The following GPN3 variants were observed in gnomAD, a reference collection of about 807,000 sequenced individuals.
GPN3 encodes ATP-binding domain 1 family member C.
Under a neutral mutation model 38.7 loss-of-function variants are expected in GPN3, and 31 were observed. The observed-to-expected ratio is 0.80, with a 90% confidence interval of 0.60 to 1.08. The LOEUF (loss-of-function observed/expected upper bound fraction) is 1.08, where lower values mean the gene tolerates loss of function less well. GPN3 is among the 50% of genes least tolerant of loss of function. The pLI, the probability that GPN3 is intolerant of heterozygous loss-of-function variation, is 0.00. For synonymous variants in GPN3, 116 were observed against 120.2 expected, an observed-to-expected ratio of 0.96 and a Z score of 0.23; for missense variants, 301 against 354.4, an observed-to-expected ratio of 0.85 and a Z score of 1.21.
At chr12:110,468,482 A>C, upstream of GPN3, 1 of 1,537,120 alleles carries the variant, frequency 6.5e-7, no homozygotes, top group Non-Finnish European at 8.7e-7. Flanking sequence ...CTGAGTAATA[A>C]CGGACAACAG....
chr12:110,468,040 T>G lies in GPN3; in HGVS notation c.48+116A>C, dbSNP rs1407835329. 2.9e-6 allele frequency: 4 copies of G among 1,377,178 alleles called. No homozygotes were observed. In the African/African-American group the frequency reaches 5.7e-5, roughly 20 times the overall value. The allele number at this position is 1,377,178 out of a possible 1,614,324, so 85.3% of individuals were successfully genotyped here. ...CGTGAAGCCAGACAGCAGAAATGAG[T>G]TGCGTGGGGTCTCAGGGTTCCCAGT... On this transcript the variant is annotated intron_variant, in intron 1 of 7. Transcript: ENST00000228827.
chr12:110,465,531 T>C (rs1362098033), intron 1 of GPN3, among the ~76,000 whole-genome samples: 4 of 152,188 alleles, frequency 2.6e-5, no homozygotes, highest in Admixed American at 2.0e-4. Context: ...TCTGGTTACA[T>C]AGTGTAACAC....
At chr12:110,463,997 T>G (rs948598760) in intron 2 of GPN3, among the ~76,000 whole-genome samples, 1 of 151,908 alleles carries the variant, frequency 6.6e-6, no homozygotes, top group Non-Finnish European at 1.5e-5. Context: ...TCCAGGCTAT[T>G]TATTTATTTA....
intron 7 of GPN3, 22 bp from the exon 8 acceptor site, chr12:110,453,118 A>C: frequency 8.9e-7 from 1 of 1,125,720 alleles, no homozygotes; most frequent in Non-Finnish European, 1.4e-6. Flanking sequence ...GAAACACAAA[A>C]TAGAAAATAT....
intron 2 of GPN3, among the ~76,000 whole-genome samples, chr12:110,463,145 T>G (rs893079094): frequency 1.3e-5 from 2 of 152,120 alleles, no homozygotes; most frequent in African/African-American, 4.8e-5. Context: ...TCAGGCCAAG[T>G]GCGGTGGCTC....
intron 1 of GPN3, 78 bp downstream of exon 1, chr12:110,468,078 C>T (rs774279968): frequency 1.9e-6 from 3 of 1,608,650 alleles, no homozygotes; most frequent in Non-Finnish European, 2.6e-6. Flanking sequence ...ACACACCCGC[C>T]GGCTCACTCC....
At chr12:110,465,906 G>A (rs937869590) in intron 1 of GPN3, among the ~76,000 whole-genome samples, 2 of 152,166 alleles carry the variant, frequency 1.3e-5, no homozygotes, top group Non-Finnish European at 2.9e-5. Flanking sequence ...GTGAAACCTC[G>A]TCTCTACTAA....
Position 110,453,002 on chromosome 12 carries a change from A to G in GPN3, c.*32T>C, listed in dbSNP as rs776451770. On this transcript the variant is annotated 3_prime_UTR_variant, in exon 8 of 8. Transcript: ENST00000228827. Reference sequence around the variant, plus strand: ...AGAATGTTCTGCTGGTTTGGCCACAAGCTCTTTAGATGGTTACTTTTAGTA... The same window carrying G: ...AGAATGTTCTGCTGGTTTGGCCACAGGCTCTTTAGATGGTTACTTTTAGTA... 2 of 927,564 alleles carry G rather than the reference A, an allele frequency of 2.2e-6. No homozygotes were observed. Among genetic ancestry groups the G allele is most frequent in the Non-Finnish European group, 3.6e-6 (2 of 552,602 alleles). The allele number at this position is 927,564 out of a possible 1,614,324, so 57.5% of individuals were successfully genotyped here. A position where few individuals can be genotyped will look rare whatever the true frequency, so the allele number is the denominator to read the frequency against.
rs936351248 is a variant in GPN3 at position 110,452,701 on chromosome 12, T to G, written c.*333A>C. ...ATACATATTTTGTTACAGTAATTCC[T>G]GCATCTCAAAAATAATACAAAAAGT... On this transcript the variant is annotated 3_prime_UTR_variant, in exon 8 of 8. Transcript: ENST00000228827. 2 of 234,830 alleles carry G rather than the reference T, an allele frequency of 8.5e-6. No homozygotes were observed. Among genetic ancestry groups the G allele is most frequent in the Non-Finnish European group, 1.7e-5 (2 of 116,280 alleles). 14.5% of individuals were successfully genotyped at this position (234,830 alleles called of 1,614,324 possible). A position where few individuals can be genotyped will look rare whatever the true frequency, so the allele number is the denominator to read the frequency against.
Position 110,455,644 on chromosome 12 carries a change from G to C in GPN3, c.605C>G (p.Ser202Cys). 7.1e-7 allele frequency: 1 copy of C among 1,404,268 alleles called. No homozygotes were observed. The highest frequency in any genetic ancestry group is 1.0e-6 in the Non-Finnish European group (1 of 990,430). The allele number at this position is 1,404,268 out of a possible 1,614,324, so 87.0% of individuals were successfully genotyped here. ...TTTTTTGCTTCTTAAGTCACTTGTA[G>C]AATCTTCTAATAAAGAATACATGTC... Reference protein sequence around the residue: ...DPDMYSLLEDSTSDLRSKKFK... With the variant: ...DPDMYSLLEDCTSDLRSKKFK... Residue 202 changes from serine to cysteine, a missense_variant, in exon 6 of 8, where the codon TCT (serine) becomes TGT (cysteine). Ser to Cys is a moderately radical substitution (Grantham distance 112, BLOSUM62 -1). Coordinates refer to ENST00000228827, the MANE Select transcript of GPN3 (RefSeq NM_016301.4).
In GPN3 at chr12:110,457,499, T is replaced by C. The variant is rs777009083; in HGVS notation, c.450+11A>G. 3.0e-5 allele frequency: 46 copies of C among 1,515,160 alleles called. 1 individual carries two copies. The South Asian group carries it at 5.1e-4, about 17-fold the overall frequency. 93.9% of individuals were successfully genotyped at this position (1,515,160 alleles called of 1,614,324 possible). A position where few individuals can be genotyped will look rare whatever the true frequency, so the allele number is the denominator to read the frequency against. Reference sequence around the variant, plus strand: ...AAAAAAAAAAAATCTGTAAGAGATTTAGCTTCAGACCTTGAATGACTCCAC... The same window carrying C: ...AAAAAAAAAAAATCTGTAAGAGATTCAGCTTCAGACCTTGAATGACTCCAC... On this transcript the variant is annotated intron_variant, in intron 4 of 7. Transcript: ENST00000228827.
Position 110,455,684 on chromosome 12 carries a change from T to C in GPN3, c.567-2A>G. The C allele has an allele frequency of 8.1e-7, 1 of 1,228,598 alleles. No individual in the cohort carries two copies. Among genetic ancestry groups the C allele is most frequent in the Non-Finnish European group, 1.2e-6 (1 of 834,900 alleles). The allele number at this position is 1,228,598 out of a possible 1,614,324, so 76.1% of individuals were successfully genotyped here. A position where few individuals can be genotyped will look rare whatever the true frequency, so the allele number is the denominator to read the frequency against. Reference sequence around the variant, plus strand: ...GAATACATGTCTGGATCTAAAAATCTTTAAAAGACAGAAAGACTGATGAAT... The same window carrying C: ...GAATACATGTCTGGATCTAAAAATCCTTAAAAGACAGAAAGACTGATGAAT... On this transcript the variant is annotated splice_acceptor_variant, in intron 5 of 7. Transcript: ENST00000228827. LOFTEE classifies it high-confidence loss of function.
intron 1 of GPN3, 80 bp from the exon 2 acceptor site, chr12:110,465,294 A>T (rs1458871161): frequency 3.6e-6 from 3 of 841,668 alleles, no homozygotes; most frequent in Non-Finnish European, 6.3e-6. Context: ...ACTATCCACT[A>T]AGGTCAAAAC....
chr12:110,465,451 G>A (rs1165352040), intron 1 of GPN3, among the ~76,000 whole-genome samples: 2 of 152,124 alleles, frequency 1.3e-5, no homozygotes, highest in African/African-American at 4.8e-5. Context: ...TCTCTAACTG[G>A]GATGTCCTCC....
At chr12:110,462,874 A>G (rs1476513800) in intron 2 of GPN3, among the ~76,000 whole-genome samples, 2 of 151,876 alleles carry the variant, frequency 1.3e-5, no homozygotes, top group African/African-American at 4.8e-5. Flanking sequence ...CTCCTGCCTC[A>G]GCCTCCCCAG....
chr12:110,463,802 A>C (rs2062609004), intron 2 of GPN3, among the ~76,000 whole-genome samples: 1 of 149,826 alleles, frequency 6.7e-6, no homozygotes. Flanking sequence ...AAAAAACCCC[A>C]AAACGTGTAT....
upstream of GPN3, chr12:110,468,661 T>A: frequency 6.5e-7 from 1 of 1,536,854 alleles, no homozygotes; most frequent in Non-Finnish European, 8.7e-7. Context: ...TGTGACGCAC[T>A]GCTTCCACAG....
chr12:110,457,738 A>C, intron 3 of GPN3, 104 bp from the exon 4 acceptor site: 3 of 780,154 alleles, frequency 3.8e-6, no homozygotes, highest in Non-Finnish European at 5.9e-6. Context: ...ATAAAAGCCA[A>C]CACATTTTTA....
In GPN3 at chr12:110,455,688, A is replaced by G. The variant is rs1418211258; in HGVS notation, c.567-6T>C. The stretch of plus-strand genomic sequence containing the variant: ...ACATGTCTGGATCTAAAAATCTTTA[A>G]AAGACAGAAAGACTGATGAATTCAG... On this transcript the variant is annotated splice_polypyrimidine_tract_variant and splice_region_variant and intron_variant, in intron 5 of 7. Transcript: ENST00000228827. 11 of 1,144,542 alleles carry G rather than the reference A, an allele frequency of 9.6e-6. No individual in the cohort carries two copies. The highest frequency in any genetic ancestry group is 1.4e-5 in the Non-Finnish European group (11 of 758,624). 70.9% of individuals were successfully genotyped at this position (1,144,542 alleles called of 1,614,324 possible).
Sources: gnomAD v4.1 joint callset for allele counts (sites outside exome capture counted in the v4.1 genomes callset) on GRCh38, gnomAD v4.1.1 for gene constraint, MANE v1.5 for transcripts, NCBI Gene and HGNC (gene_info 2026-07-23, HGNC 2026-07-21) for gene names.